Variants in PACRG observed in about 807,000 individuals in gnomAD.
PACRG encodes the protein parkin coregulated, also known as parkin coregulated gene protein.
A neutral mutation model predicts 29.7 loss-of-function variants in PACRG; 29 were observed. The ratio of observed to expected loss-of-function variants is 0.98; its 90% CI spans 0.73 to 1.33. The LOEUF (loss-of-function observed/expected upper bound fraction) is 1.33. Among genes scored for constraint, PACRG ranks in the 40% most tolerant of loss-of-function variants. The pLI is 0.00. For missense variants in PACRG, 279 were observed against 316.2 expected (o/e 0.88, Z 0.89); for synonymous variants, 116 against 118.7 (o/e 0.98, Z 0.15).
chr6:163,238,648 G>A lies in PACRG; in HGVS notation c.614-76179G>A, dbSNP rs371959240. 1.0e-3 allele frequency among the ~76,000 whole-genome samples: 152 copies of A among 152,324 alleles called. 2 individuals are homozygous for A. Among genetic ancestry groups the A allele is most frequent in the Middle Eastern group, 3.4e-3 (1 of 294 alleles). ...AGCCAGTTGACTGCTGGTGGTCTCA[G>A]ACAAAGAAGGAACACGTTCAACACC... On this transcript the variant is annotated intron_variant, in intron 4 of 4. Transcript: ENST00000366888.
At chr6:162,878,215 A>G (rs762026640) in intron 2 of PACRG, among the ~76,000 whole-genome samples, 4 of 152,210 alleles carry the variant, frequency 2.6e-5, no homozygotes, top group Non-Finnish European at 4.4e-5. Context: ...ATCACAATTC[A>G]CATTTTTACA....
chr6:162,933,323 C>A lies in PACRG; in HGVS notation c.291+119042C>A, dbSNP rs146291956. Among the ~76,000 whole-genome samples the A allele has an allele frequency of 7.8e-4, 119 of 152,126 alleles. 1 individual carries two copies. The highest frequency in any genetic ancestry group is 2.1e-3 in the South Asian group (10 of 4,826). On this transcript the variant is annotated intron_variant, in intron 2 of 4. Transcript: ENST00000366888. ...GCTGATGAGAAGAATGTGTATATTA[C>A]AGTTGATGAAATGTCTTGTCTCTTA... is the stretch of plus-strand genomic sequence containing the variant.
At chr6:163,284,551 A>G (rs1784328475) in intron 4 of PACRG, among the ~76,000 whole-genome samples, 1 of 152,250 alleles carries the variant, frequency 6.6e-6, no homozygotes, top group Non-Finnish European at 1.5e-5. Context: ...TTTATTTTAG[A>G]TATTTTTATT....
chr6:163,210,870 C>T (rs1469448344), intron 4 of PACRG, among the ~76,000 whole-genome samples: 1 of 152,118 alleles, frequency 6.6e-6, no homozygotes, highest in Non-Finnish European at 1.5e-5. Context: ...GTGGTTCATC[C>T]CAAGGCAGCC....
At chr6:163,150,769 A>G (rs928764933) in intron 4 of PACRG, among the ~76,000 whole-genome samples, 9 of 152,210 alleles carry the variant, frequency 5.9e-5, no homozygotes, top group Admixed American at 1.3e-4. Flanking sequence ...TGGATCCAAC[A>G]GTCTTGAGGG....
intron 2 of PACRG, among the ~76,000 whole-genome samples, chr6:162,835,835 A>C (rs369013163): frequency 1.3e-5 from 2 of 152,054 alleles, no homozygotes; most frequent in Admixed American, 1.3e-4. Context: ...CAACTTTTCA[A>C]CTCTTTTAAG....
At chr6:162,941,413 A>C (rs184009773) in intron 2 of PACRG, among the ~76,000 whole-genome samples, 1 of 152,300 alleles carries the variant, frequency 6.6e-6, no homozygotes, top group East Asian at 1.9e-4. Context: ...TGCGAGTGCA[A>C]GGTCCTGCAC....
intron 1 of PACRG, among the ~76,000 whole-genome samples, chr6:162,751,153 A>AT (rs71546909): frequency 0.1 from 14,862 of 149,020 alleles, 919 homozygotes; most frequent in South Asian, 0.23. Flanking sequence ...TTTAGAAATG[A>AT]TTTTTTTTTT....
chr6:163,002,743 A>G (rs1404376384), intron 2 of PACRG, among the ~76,000 whole-genome samples: 1 of 152,186 alleles, frequency 6.6e-6, no homozygotes, highest in East Asian at 1.9e-4. Flanking sequence ...GAGACTAGAA[A>G]TGGCTACTTT....
chr6:162,996,343 T>A (rs1217382909), intron 2 of PACRG, among the ~76,000 whole-genome samples: 1 of 152,132 alleles, frequency 6.6e-6, no homozygotes, highest in African/African-American at 2.4e-5. Context: ...AAAAATACAA[T>A]AAAATCATCA....
intron 2 of PACRG, among the ~76,000 whole-genome samples, chr6:162,883,612 A>G (rs1228559801): frequency 6.6e-6 from 1 of 152,066 alleles, no homozygotes; most frequent in Non-Finnish European, 1.5e-5. Flanking sequence ...GGGCAAGTCC[A>G]GTACATATGA....
chr6:162,750,158 T>A (rs1346425763), intron 1 of PACRG, among the ~76,000 whole-genome samples: 1 of 152,230 alleles, frequency 6.6e-6, no homozygotes, highest in Non-Finnish European at 1.5e-5. Flanking sequence ...TGCCTTCACT[T>A]ATTTTCTTTC....
intron 2 of PACRG, among the ~76,000 whole-genome samples, chr6:162,847,943 A>G (rs1790545110): frequency 6.6e-6 from 1 of 152,178 alleles, no homozygotes; most frequent in African/African-American, 2.4e-5. Flanking sequence ...CCTTTCAGAA[A>G]GATCATTCCA....
chr6:163,248,228 G>A (rs1356408334), intron 4 of PACRG, among the ~76,000 whole-genome samples: 1 of 152,234 alleles, frequency 6.6e-6, no homozygotes, highest in African/African-American at 2.4e-5. Context: ...TGCCCCGCAA[G>A]AAAGATTCCC....
chr6:163,111,344 A>C (rs1815703221), intron 4 of PACRG, among the ~76,000 whole-genome samples: 1 of 152,234 alleles, frequency 6.6e-6, no homozygotes, highest in African/African-American at 2.4e-5. Context: ...GGGAACAATG[A>C]AGTAGATGCT....
At chr6:163,132,162 T>C (rs971724813) in intron 4 of PACRG, among the ~76,000 whole-genome samples, 3 of 152,234 alleles carry the variant, frequency 2.0e-5, no homozygotes, top group Non-Finnish European at 4.4e-5. Context: ...ATTTATTTTA[T>C]TTAAGATGAA....
intron 4 of PACRG, among the ~76,000 whole-genome samples, chr6:163,210,976 G>A (rs2143072): frequency 1.3e-5 from 2 of 151,822 alleles, no homozygotes; most frequent in East Asian, 1.9e-4. Flanking sequence ...AAATGTCTTC[G>A]TTCAAATAAT....
chr6:163,095,512 G>T (rs1814493614), intron 4 of PACRG: 2 of 850,196 alleles, frequency 2.4e-6, no homozygotes, highest in East Asian at 1.2e-4. Flanking sequence ...TCGTCTCCCA[G>T]TTCTGGAGGC....
intron 4 of PACRG, among the ~76,000 whole-genome samples, chr6:163,247,251 A>T (rs1471914060): frequency 6.6e-6 from 1 of 152,180 alleles, no homozygotes; most frequent in African/African-American, 2.4e-5. Context: ...GCTAGTGTAA[A>T]TATGTGTCCA....
Sources: allele counts gnomAD v4.1 joint callset (sites outside exome capture counted in the v4.1 genomes callset), GRCh38; gene constraint gnomAD v4.1.1; transcripts MANE v1.5; gene names NCBI Gene and HGNC (gene_info 2026-07-23, HGNC 2026-07-21).